Variants in PPP2R5E observed in about 807,000 individuals in gnomAD.
The protein encoded by PPP2R5E is serine/threonine-protein phosphatase 2A 56 kDa regulatory subunit epsilon isoform.
In PPP2R5E, 4 loss-of-function variants were observed where a neutral mutation model predicts 65.3. That is an observed-to-expected ratio of 0.06 (90% CI 0.03 to 0.14). The LOEUF is 0.14. PPP2R5E is among the 10% of genes least tolerant of loss of function. The probability of loss-of-function intolerance (pLI) is 1.00; values close to 1 mark genes in which losing one functional copy is unlikely to be tolerated. For missense variants in PPP2R5E, 274 were observed against 556.1 expected, an observed-to-expected ratio of 0.49 and a Z score of 5.10; for synonymous variants, 183 against 187.4, an observed-to-expected ratio of 0.98 and a Z score of 0.19.
chr14:63,437,657 C>T (rs1888009583), intron 3 of PPP2R5E, among the ~76,000 whole-genome samples: 2 of 152,080 alleles, frequency 1.3e-5, no homozygotes, highest in African/African-American at 4.8e-5. Flanking sequence ...TCTCATAAAG[C>T]CCTTACCTTC....
intron 2 of PPP2R5E, among the ~76,000 whole-genome samples, chr14:63,533,656 A>G (rs1000039413): frequency 1.4e-5 from 2 of 147,694 alleles, no homozygotes; most frequent in Non-Finnish European, 3.0e-5. Context: ...AAGAAATAAC[A>G]ATGGCGGCCG....
chr14:63,495,502 A>AC (rs1358367233), intron 2 of PPP2R5E, among the ~76,000 whole-genome samples: 1 of 150,642 alleles, frequency 6.6e-6, no homozygotes, highest in Non-Finnish European at 1.5e-5. Flanking sequence ...AACTGCTTGA[A>AC]CCCGGGAGGC....
chr14:63,520,859 C>CAA lies in PPP2R5E; in HGVS notation c.157+18668_157+18669dup, dbSNP rs748146106. Among the ~76,000 whole-genome samples, 259 of 58,486 alleles carry CAA rather than the reference C, an allele frequency of 4.4e-3. 15 individuals carry two copies. The South Asian group carries it at 0.047, about 11-fold the overall frequency. The allele number at this position is 58,486 out of a possible 152,430, so 38.4% of individuals were successfully genotyped here. On this transcript the variant is annotated intron_variant, in intron 2 of 13. Transcript: ENST00000337537. ...TGAAACCTCATCTCTACTAAAAATA[C>CAA]AAAAAAAAAAAAAAAAAAAAAAAAA...
intron 3 of PPP2R5E, among the ~76,000 whole-genome samples, chr14:63,424,059 G>A (rs1000629070): frequency 2.6e-5 from 4 of 152,188 alleles, no homozygotes; most frequent in Admixed American, 6.5e-5. Flanking sequence ...AAGTTAGAAG[G>A]CTGTGAATGT....
intron 2 of PPP2R5E, among the ~76,000 whole-genome samples, chr14:63,514,830 C>T (rs76282517): frequency 0.023 from 3,493 of 152,266 alleles, 136 homozygotes; most frequent in African/African-American, 0.08. Context: ...AGGCATTTCA[C>T]ATATATCACC....
chr14:63,420,643 A>G (rs1337335154), intron 4 of PPP2R5E, among the ~76,000 whole-genome samples: 1 of 152,216 alleles, frequency 6.6e-6, no homozygotes, highest in African/African-American at 2.4e-5. Context: ...TTGAGTTGTC[A>G]AAGCAGGACA....
chr14:63,511,139 C>T (rs766386695), intron 2 of PPP2R5E, among the ~76,000 whole-genome samples: 13 of 152,214 alleles, frequency 8.5e-5, no homozygotes, highest in Non-Finnish European at 1.8e-4. Context: ...CTTTCTCCAT[C>T]CTTGGAATTT....
intron 5 of PPP2R5E, among the ~76,000 whole-genome samples, chr14:63,403,035 CCTT>C (rs1885846411): frequency 6.6e-6 from 1 of 152,122 alleles, no homozygotes. Context: ...CTGGTGCAGG[CCTT>C]CTTAATACCC....
chr14:63,481,895 A>G (rs1890721645), intron 2 of PPP2R5E, among the ~76,000 whole-genome samples: 1 of 152,238 alleles, frequency 6.6e-6, no homozygotes, highest in Admixed American at 6.5e-5. Flanking sequence ...AGTGAGTACA[A>G]TGGAAATACA....
intron 10 of PPP2R5E, among the ~76,000 whole-genome samples, chr14:63,391,160 T>C (rs938066728): frequency 6.6e-5 from 10 of 152,114 alleles, no homozygotes; most frequent in African/African-American, 2.2e-4. Flanking sequence ...TCAACAAAGC[T>C]AGACAACTGG....
chr14:63,428,369 C>A (rs959739431), intron 3 of PPP2R5E, among the ~76,000 whole-genome samples: 17 of 152,156 alleles, frequency 1.1e-4, no homozygotes, highest in Non-Finnish European at 2.4e-4. Flanking sequence ...TTCAGATAAA[C>A]GACAAATAAT....
chr14:63,386,923 C>CAA (rs34820715), intron 11 of PPP2R5E, among the ~76,000 whole-genome samples: 16,599 of 122,582 alleles, frequency 0.14, 1,310 homozygotes, highest in East Asian at 0.39. Context: ...GACTCCATCT[C>CAA]AAAAAAAAAA....
intron 2 of PPP2R5E, among the ~76,000 whole-genome samples, chr14:63,507,423 T>C (rs1892240734): frequency 6.6e-6 from 1 of 151,944 alleles, no homozygotes; most frequent in Non-Finnish European, 1.5e-5. Flanking sequence ...GAGATAAACA[T>C]GGCACTTCTC....
chr14:63,424,619 C>T (rs951624894), intron 3 of PPP2R5E, among the ~76,000 whole-genome samples: 3 of 151,794 alleles, frequency 2.0e-5, no homozygotes, highest in Non-Finnish European at 4.4e-5. Context: ...GGTGTGGTGG[C>T]GGGCGCCTGT....
chr14:63,408,456 C>T (rs1886211093), intron 5 of PPP2R5E, among the ~76,000 whole-genome samples: 3 of 152,164 alleles, frequency 2.0e-5, no homozygotes, highest in African/African-American at 7.2e-5. Context: ...GCACGCTCAG[C>T]AGGGTCATCT....
chr14:63,386,537 T>C (rs1268365098), intron 11 of PPP2R5E, among the ~76,000 whole-genome samples: 1 of 152,060 alleles, frequency 6.6e-6, no homozygotes, highest in Non-Finnish European at 1.5e-5. Context: ...AGATGCTATA[T>C]CAGATATATG....
intron 5 of PPP2R5E, among the ~76,000 whole-genome samples, chr14:63,403,388 A>AAC (rs1491114866): frequency 1.5e-5 from 1 of 65,616 alleles, no homozygotes; most frequent in East Asian, 5.5e-4. Flanking sequence ...AGTCTGTCTC[A>AAC]AAAAAAAAAA....
intron 2 of PPP2R5E, among the ~76,000 whole-genome samples, chr14:63,513,495 T>C (rs1152450): frequency 0.036 from 5,535 of 152,226 alleles, 333 homozygotes; most frequent in African/African-American, 0.13. Context: ...TACCTCTTAA[T>C]TATACACACT....
intron 2 of PPP2R5E, among the ~76,000 whole-genome samples, chr14:63,508,692 CGTAAGAAGCCAGA>C (rs769064891): frequency 2.6e-4 from 40 of 152,222 alleles, no homozygotes; most frequent in Non-Finnish European, 4.7e-4. Context: ...CCCTTCCTCT[CGTAAGAAGCCAGA>C]GTCCAGAAGA....
Sources: gnomAD v4.1 joint callset for allele counts (sites outside exome capture counted in the v4.1 genomes callset) on GRCh38, gnomAD v4.1.1 for gene constraint, MANE v1.5 for transcripts, NCBI Gene and HGNC (gene_info 2026-07-23, HGNC 2026-07-21) for gene names.